TTC28: variants seen among roughly 807,000 people sequenced by gnomAD.
The protein encoded by TTC28 is tetratricopeptide repeat domain 28.
TTC28 carries 61 observed loss-of-function variants against 198.0 expected under a neutral mutation model. The observed-to-expected ratio is 0.31, with a 90% CI of 0.25 to 0.38. TTC28 has a LOEUF of 0.38. Among genes scored for constraint, TTC28 ranks in the 10% least tolerant of loss-of-function variants. TTC28 has a pLI of 1.00. For synonymous variants in TTC28, 1,171 were observed against 1,297.8 expected (o/e 0.90, Z 2.10); for missense variants, 2,678 against 3,164.0 (o/e 0.85, Z 3.69).
chr22:28,506,561 C>A (rs1432606158), intron 2 of TTC28, among the ~76,000 whole-genome samples: 1 of 152,236 alleles, frequency 6.6e-6, no homozygotes, highest in African/African-American at 2.4e-5. Flanking sequence ...CAAAAAGTAG[C>A]CAGACTGCTT....
At chr22:28,631,714 C>T (rs1182846711) in intron 1 of TTC28, among the ~76,000 whole-genome samples, 2 of 151,954 alleles carry the variant, frequency 1.3e-5, no homozygotes, top group African/African-American at 2.4e-5. Context: ...TTTGTAGAGA[C>T]GAAGTCTCCT....
chr22:28,374,928 T>TA (rs534067436), intron 2 of TTC28, among the ~76,000 whole-genome samples: 112 of 145,950 alleles, frequency 7.7e-4, no homozygotes, highest in East Asian at 4.6e-3. Context: ...AGTTGCATAT[T>TA]AAAAAAAAAA....
intron 2 of TTC28, among the ~76,000 whole-genome samples, chr22:28,588,266 G>A (rs2050357141): frequency 6.6e-6 from 1 of 152,116 alleles, no homozygotes; most frequent in African/African-American, 2.4e-5. Context: ...TCCGTCATCA[G>A]GAACTATAAT....
chr22:28,559,630 CA>C (rs2049839332), intron 2 of TTC28, among the ~76,000 whole-genome samples: 1 of 152,164 alleles, frequency 6.6e-6, no homozygotes, highest in Non-Finnish European at 1.5e-5. Flanking sequence ...ATCCTATAAC[CA>C]AAGTGGTCTT....
At chr22:28,292,062 CTAAT>C (rs1382179189) in intron 5 of TTC28, among the ~76,000 whole-genome samples, 1 of 151,222 alleles carries the variant, frequency 6.6e-6, no homozygotes, top group African/African-American at 2.4e-5. Context: ...TTGGATAAAA[CTAAT>C]AAATATTAAC....
chr22:28,043,254 AAAAAAAAAAAAAAAAG>A (rs1939733355), intron 12 of TTC28, among the ~76,000 whole-genome samples: 1 of 149,988 alleles, frequency 6.7e-6, no homozygotes, highest in East Asian at 1.9e-4. Flanking sequence ...AAAAAAAAAA[AAAAAAAAAAAAAAAAG>A]AAAAGATATT....
chr22:28,599,013 C>T (rs531067917), intron 2 of TTC28, among the ~76,000 whole-genome samples: 243 of 152,234 alleles, frequency 1.6e-3, no homozygotes, highest in African/African-American at 5.7e-3. Context: ...AAGACAAACA[C>T]ACATCAAAAT....
At chr22:28,324,933 T>C (rs760414980) in intron 2 of TTC28, among the ~76,000 whole-genome samples, 2 of 152,168 alleles carry the variant, frequency 1.3e-5, no homozygotes, top group Non-Finnish European at 2.9e-5. Context: ...TGGTCTAAAA[T>C]TCTCTTTTTT....
chr22:28,440,255 G>C (rs956970825), intron 2 of TTC28, among the ~76,000 whole-genome samples: 2 of 152,140 alleles, frequency 1.3e-5, no homozygotes, highest in African/African-American at 4.8e-5. Context: ...CACTCTAGAA[G>C]ACTGGGACCT....
intron 2 of TTC28, among the ~76,000 whole-genome samples, chr22:28,427,066 T>A (rs1228603310): frequency 1.3e-5 from 2 of 152,176 alleles, no homozygotes; most frequent in Admixed American, 6.5e-5. Flanking sequence ...CAGATAACAT[T>A]TTTCAGGAAA....
At chr22:28,463,876 G>C (rs578138459) in intron 2 of TTC28, among the ~76,000 whole-genome samples, 1 of 151,972 alleles carries the variant, frequency 6.6e-6, no homozygotes, top group Non-Finnish European at 1.5e-5. Context: ...AAACCTGCAC[G>C]TTGTGCACAT....
intron 5 of TTC28, among the ~76,000 whole-genome samples, chr22:28,199,710 G>A (rs1410717319): frequency 6.6e-6 from 1 of 151,628 alleles, no homozygotes; most frequent in East Asian, 1.9e-4. Flanking sequence ...GGAGATGTGT[G>A]GAGAGTTCTG....
intron 3 of TTC28, among the ~76,000 whole-genome samples, chr22:28,306,225 C>T: frequency 6.6e-6 from 1 of 152,146 alleles, no homozygotes; most frequent in East Asian, 1.9e-4. Flanking sequence ...GAAGTTGATC[C>T]ATTTACCCAC....
intron 2 of TTC28, among the ~76,000 whole-genome samples, chr22:28,515,179 T>G (rs1019286671): frequency 5.9e-5 from 9 of 152,160 alleles, no homozygotes; most frequent in African/African-American, 2.2e-4. Flanking sequence ...ATCAAAGCAA[T>G]TTTTCTATTA....
chr22:28,380,650 C>G (rs982455092), intron 2 of TTC28, among the ~76,000 whole-genome samples: 1 of 152,084 alleles, frequency 6.6e-6, no homozygotes, highest in African/African-American at 2.4e-5. Flanking sequence ...CTGTTCCTGT[C>G]CATTGACATG....
intron 2 of TTC28, among the ~76,000 whole-genome samples, chr22:28,548,293 A>C (rs899308046): frequency 1.3e-5 from 2 of 152,194 alleles, no homozygotes; most frequent in African/African-American, 4.8e-5. Context: ...TGTTTTAACC[A>C]TGAGCAAAGA....
In TTC28 at chr22:28,163,076, G is replaced by A. The variant is rs756840210; in HGVS notation, c.1441+16C>T. The A allele has an allele frequency of 3.3e-6, 5 of 1,527,102 alleles. No individual in the cohort carries two copies. The highest frequency in any genetic ancestry group is 4.4e-6 in the Non-Finnish European group (5 of 1,134,112). The allele number at this position is 1,527,102 out of a possible 1,614,324, so 94.6% of individuals were successfully genotyped here. A position where few individuals can be genotyped will look rare whatever the true frequency, so the allele number is the denominator to read the frequency against. On this transcript the variant is annotated intron_variant, in intron 6 of 22. Transcript: ENST00000397906. ...ATGACTTTGACCTGGGCTCTTACAG[G>A]CAACCCTGTTCTTACCTAGATTGGA...
At chr22:28,206,656 T>A (rs1159562611) in intron 5 of TTC28, among the ~76,000 whole-genome samples, 2 of 152,162 alleles carry the variant, frequency 1.3e-5, no homozygotes, top group Non-Finnish European at 2.9e-5. Flanking sequence ...ACACTTTGCC[T>A]TGACTAGTAC....
intron 2 of TTC28, among the ~76,000 whole-genome samples, chr22:28,364,988 A>G (rs1234192943): frequency 6.6e-6 from 1 of 152,204 alleles, no homozygotes; most frequent in African/African-American, 2.4e-5. Context: ...TACTGTGGGT[A>G]AAATACTATC....
Sources: allele counts gnomAD v4.1 joint callset (sites outside exome capture counted in the v4.1 genomes callset), GRCh38; gene constraint gnomAD v4.1.1; transcripts MANE v1.5; gene names NCBI Gene and HGNC (gene_info 2026-07-23, HGNC 2026-07-21).